Variants in BIRC6 observed in about 807,000 individuals in gnomAD.
BIRC6 encodes the protein baculoviral IAP repeat containing 6, also known as dual E2 ubiquitin-conjugating enzyme/E3 ubiquitin-protein ligase BIRC6.
BIRC6 carries 98 observed loss-of-function variants against 503.3 expected under a neutral mutation model. That is an observed-to-expected ratio of 0.19 (90% CI 0.17 to 0.23). The LOEUF (loss-of-function observed/expected upper bound fraction) is 0.23. Ranked by LOEUF, BIRC6 falls within the 10% of genes least tolerant of loss-of-function variation. BIRC6 has a pLI of 1.00. For missense variants in BIRC6, 5,360 were observed against 5,806.0 expected (o/e 0.92, Z 2.50); for synonymous variants, 2,240 against 2,078.7 (o/e 1.08, Z -2.11).
intron 39 of BIRC6, 117 bp from the exon 40 acceptor site, chr2:32,485,526 C>T: frequency 1.6e-6 from 1 of 636,702 alleles, no homozygotes; most frequent in Non-Finnish European, 2.7e-6. Flanking sequence ...GGTGGCTGTT[C>T]TGTAAGAACA....
chr2:32,406,329 G>A (rs879081425), intron 8 of BIRC6, among the ~76,000 whole-genome samples, 170 bp from the exon 9 acceptor site: 2 of 152,110 alleles, frequency 1.3e-5, no homozygotes, highest in South Asian at 4.1e-4. Flanking sequence ...CCAGGAGGAG[G>A]TCAGGGCTGC....
chr2:32,427,626 A>G (rs1477843255), intron 10 of BIRC6, among the ~76,000 whole-genome samples: 1 of 151,986 alleles, frequency 6.6e-6, no homozygotes, highest in Non-Finnish European at 1.5e-5. Context: ...TGAGTCGTTT[A>G]TACCATTATT....
chr2:32,445,857 C>A (rs1418643429), intron 21 of BIRC6, among the ~76,000 whole-genome samples, 189 bp downstream of exon 21: 1 of 151,680 alleles, frequency 6.6e-6, no homozygotes, highest in East Asian at 1.9e-4. Flanking sequence ...TCAGAAATTA[C>A]TCTTTTTTTT....
At chr2:32,375,492 C>A (rs982407979) in intron 1 of BIRC6, among the ~76,000 whole-genome samples, 1 of 151,478 alleles carries the variant, frequency 6.6e-6, no homozygotes, top group Non-Finnish European at 1.5e-5. Flanking sequence ...AACAAACAAA[C>A]AAAAAAAACC....
chr2:32,464,797 A>G lies in BIRC6; in HGVS notation c.5230A>G (p.Asn1744Asp). 6.2e-7 allele frequency: 1 copy of G among 1,611,360 alleles called. No individual in the cohort carries two copies. Among genetic ancestry groups the G allele is most frequent in the South Asian group, 1.1e-5 (1 of 90,970 alleles). ...DPPAVNLAAH[N>D]KNSNKSRMNP... Reference sequence around the variant, plus strand: ...CCCAGCAGTCAATCTTGCTGCACATAACAAAAATTCCAACAAGTCCAGAAT... The same window carrying G: ...CCCAGCAGTCAATCTTGCTGCACATGACAAAAATTCCAACAAGTCCAGAAT... Residue 1744 changes from asparagine (N) to aspartate (D), a missense_variant, in exon 25 of 74, where the codon AAC becomes GAC. Around this residue, in one of 16 missense-constraint regions of BIRC6, gnomAD observed 2,299 missense variants for 2,267.2 expected, o/e 1.01. Transcript: ENST00000421745.
intron 53 of BIRC6, among the ~76,000 whole-genome samples, chr2:32,512,036 T>A (rs1210093290): frequency 6.6e-6 from 1 of 152,176 alleles, no homozygotes; most frequent in African/African-American, 2.4e-5. Flanking sequence ...AGAAGAAAAT[T>A]AAGCTTAATT....
At chr2:32,495,392 G>GTTAGT (rs2052322585) in intron 45 of BIRC6, among the ~76,000 whole-genome samples, 1 of 152,148 alleles carries the variant, frequency 6.6e-6, no homozygotes, top group African/African-American at 2.4e-5. Flanking sequence ...CAAGAAGAAT[G>GTTAGT]TTAGTTTATG....
At chr2:32,552,218 C>T (rs939459688) in intron 65 of BIRC6, among the ~76,000 whole-genome samples, 12 of 152,064 alleles carry the variant, frequency 7.9e-5, no homozygotes, top group African/African-American at 2.7e-4. Flanking sequence ...TACAGGTATA[C>T]GTTAGATACT....
intron 66 of BIRC6, among the ~76,000 whole-genome samples, chr2:32,591,568 T>C (rs1412300121): frequency 1.3e-5 from 2 of 152,200 alleles, no homozygotes; most frequent in African/African-American, 4.8e-5. Flanking sequence ...TGCTCCATGC[T>C]AAAGATTCTT....
At chr2:32,365,066 A>G (rs1448150435) in intron 1 of BIRC6, among the ~76,000 whole-genome samples, 2 of 152,198 alleles carry the variant, frequency 1.3e-5, no homozygotes, top group East Asian at 3.9e-4. Flanking sequence ...ATAAAAACTT[A>G]ATTTAGCAGA....
At chr2:32,481,173 T>C in intron 37 of BIRC6, 147 bp from the exon 38 acceptor site, 1 of 606,184 alleles carries the variant, frequency 1.6e-6, no homozygotes, top group Non-Finnish European at 2.7e-6. Context: ...TCGTGTATTA[T>C]GGAGCGAAAT....
At chr2:32,586,356 C>T (rs1459461226) in intron 66 of BIRC6, among the ~76,000 whole-genome samples, 1 of 148,600 alleles carries the variant, frequency 6.7e-6, no homozygotes, top group Non-Finnish European at 1.5e-5. Flanking sequence ...TATCAAATGG[C>T]ATTATATGAG....
In BIRC6 at chr2:32,401,588, T is replaced by C. The variant is rs2040599300; in HGVS notation, c.1383T>C (p.Ser461=). 1.2e-6 allele frequency: 2 copies of C among 1,613,948 alleles called. No individual in the cohort carries two copies. The highest frequency in any genetic ancestry group is 1.3e-5 in the African/African-American group (1 of 75,054). ...RPTLAWLEDS[S]SCSDIPKLEG... Reference sequence around the variant, plus strand: ...CTTTGGCGTGGCTGGAGGACTCCTCTAGTTGCTCAGATATACCAAAATTGG... The same window carrying C: ...CTTTGGCGTGGCTGGAGGACTCCTCCAGTTGCTCAGATATACCAAAATTGG... The change falls in exon 8 of 74, where the codon TCT becomes TCC. Residue 461 remains serine (S), a synonymous_variant. Coordinates refer to ENST00000421745, the MANE Select transcript of BIRC6 (RefSeq NM_016252.4).
intron 12 of BIRC6, 136 bp downstream of exon 12, chr2:32,431,226 C>T (rs1431533093): frequency 1.1e-5 from 5 of 444,530 alleles, no homozygotes; most frequent in Non-Finnish European, 1.8e-5. Flanking sequence ...GACAGAGTCT[C>T]ACTCTGTCAC....
chr2:32,521,367 A>G (rs1263212549), intron 57 of BIRC6, among the ~76,000 whole-genome samples: 2 of 122,264 alleles, frequency 1.6e-5, no homozygotes, highest in African/African-American at 7.1e-5. Flanking sequence ...CCTCATCTCA[A>G]AAAAAAAAAA....
intron 45 of BIRC6, among the ~76,000 whole-genome samples, chr2:32,494,682 G>A (rs1056046272): frequency 6.6e-6 from 1 of 151,950 alleles, no homozygotes; most frequent in Non-Finnish European, 1.5e-5. Context: ...CGGGAAGATC[G>A]CTTAAGCCCA....
chr2:32,505,686 T>C (rs2053717023), intron 50 of BIRC6, among the ~76,000 whole-genome samples: 1 of 152,234 alleles, frequency 6.6e-6, no homozygotes, highest in African/African-American at 2.4e-5. Flanking sequence ...ACTGTGTTTA[T>C]TGTAATATGT....
At position 32,380,259 on chromosome 2, in the gene BIRC6, A is replaced by G; in HGVS notation, c.614A>G (p.His205Arg). The change falls in exon 3 of 74, where the codon CAT (histidine) becomes CGT (arginine). Residue 205 changes from histidine (H) to arginine (R), a missense_variant. Physicochemically the swap from His to Arg is conservative, Grantham distance 29. This residue lies in a region of BIRC6 where 134 missense variants were observed against 150.9 expected (regional missense o/e 0.89). Coordinates refer to ENST00000421745, the MANE Select transcript of BIRC6 (RefSeq NM_016252.4). The stretch of plus-strand genomic sequence containing the variant: ...AAAGATGGTTTAAAAAATACATCTC[A>G]TGAGACTGCAGCAAACCACAAAGTT... ...QLKDGLKNTSHETAANHKVAK... is the reference protein window; with the variant it reads ...QLKDGLKNTSRETAANHKVAK... 1 of 1,607,940 alleles carries G rather than the reference A, an allele frequency of 6.2e-7. No homozygotes were observed. The highest frequency in any genetic ancestry group is 8.5e-7 in the Non-Finnish European group (1 of 1,178,444).
intron 19 of BIRC6, among the ~76,000 whole-genome samples, chr2:32,442,985 C>G (rs754219377): frequency 3.9e-5 from 6 of 152,082 alleles, no homozygotes; most frequent in Admixed American, 6.6e-5. Flanking sequence ...CCTATATATA[C>G]ATACCTGCAA....
Sources: gnomAD v4.1 joint callset for allele counts (sites outside exome capture counted in the v4.1 genomes callset) on GRCh38, gnomAD v4.1.1 for gene constraint, gnomAD v4.1.1 regional missense constraint, MANE v1.5 for transcripts, NCBI Gene and HGNC (gene_info 2026-07-23, HGNC 2026-07-21) for gene names.